PARD3B: variants seen among roughly 807,000 people sequenced by gnomAD.
The protein encoded by PARD3B is partitioning defective 3 homolog B.
Under a neutral mutation model 130.2 loss-of-function variants are expected in PARD3B, and 103 were observed. That is an observed-to-expected ratio of 0.79 (90% CI 0.67 to 0.93). The LOEUF (loss-of-function observed/expected upper bound fraction) is 0.93, where lower values mean the gene tolerates loss of function less well. Ranked by LOEUF, PARD3B falls within the 40% of genes least tolerant of loss-of-function variation. The pLI, the probability that PARD3B is intolerant of heterozygous loss-of-function variation, is 0.00. For missense variants in PARD3B, 1,609 were observed against 1,499.2 expected, an observed-to-expected ratio of 1.07 and a Z score of -1.21; for synonymous variants, 583 against 553.2, an observed-to-expected ratio of 1.05 and a Z score of -0.76.
chr2:205,250,796 GCC>G (rs1280703937), intron 16 of PARD3B, among the ~76,000 whole-genome samples: 1 of 152,064 alleles, frequency 6.6e-6, no homozygotes, highest in African/African-American at 2.4e-5. Context: ...GGGCATGGTG[GCC>G]CATGCCTGTA....
chr2:204,995,827 C>A (rs1485004605), intron 3 of PARD3B, among the ~76,000 whole-genome samples: 1 of 25,456 alleles, frequency 3.9e-5, no homozygotes, highest in African/African-American at 1.7e-4. Context: ...TCATTTCATT[C>A]ATTTCATCTT....
Position 205,380,406 on chromosome 2 carries a change from A to AT in PARD3B, c.2631-20606dup, listed in dbSNP as rs1473963443. ...AATATATAAAGAATATATATTATAT[A>AT]TAATATATAAAGAATATATATTATA... On this transcript the variant is annotated intron_variant, in intron 18 of 22. Transcript: ENST00000406610. Among the ~76,000 whole-genome samples the AT allele has an allele frequency of 3.2e-4, 14 of 43,404 alleles. 1 individual carries two copies. The highest frequency in any genetic ancestry group is 1.4e-3 in the African/African-American group (14 of 10,138). 28.5% of individuals were successfully genotyped at this position (43,404 alleles called of 152,430 possible). A position where few individuals can be genotyped will look rare whatever the true frequency, so the allele number is the denominator to read the frequency against.
intron 2 of PARD3B, among the ~76,000 whole-genome samples, chr2:204,692,489 T>A (rs993393113): frequency 8.0e-6 from 1 of 124,458 alleles, no homozygotes; most frequent in African/African-American, 2.9e-5. Flanking sequence ...AATGCTAAAT[T>A]AAGTTAAACA....
intron 21 of PARD3B, among the ~76,000 whole-genome samples, chr2:205,501,870 C>T (rs4312469): frequency 0.033 from 4,954 of 152,116 alleles, 173 homozygotes; most frequent in South Asian, 0.13. Context: ...GCCAAGTAAA[C>T]GTGTAACCAG....
Position 205,525,156 on chromosome 2 carries a change from C to G in PARD3B, c.3180+25125C>G, listed in dbSNP as rs551238026. ...AAGCAATGCCTAGCTCATGGTATGA[C>G]TGGAAAATACTAGGGCTTTTTTCCC... On this transcript the variant is annotated intron_variant, in intron 21 of 22. Transcript: ENST00000406610. The surrounding 1 kb of genome is among the most constrained non-coding windows in gnomAD (Gnocchi z 4.2). 1.8e-4 allele frequency among the ~76,000 whole-genome samples: 27 copies of G among 152,282 alleles called. 1 individual carries two copies. In the South Asian group the frequency reaches 5.6e-3, roughly 32 times the overall value.
At chr2:205,465,856 T>C (rs1485074944) in intron 20 of PARD3B, among the ~76,000 whole-genome samples, 1 of 152,210 alleles carries the variant, frequency 6.6e-6, no homozygotes, top group Non-Finnish European at 1.5e-5. Context: ...GCTGCATTAA[T>C]TGACCAGTGA....
chr2:204,643,842 A>T (rs186684926), intron 1 of PARD3B, among the ~76,000 whole-genome samples: 1 of 152,200 alleles, frequency 6.6e-6, no homozygotes. Context: ...AGTGCTTTGC[A>T]TAAAATTCAG....
chr2:205,380,964 TCTAAAGA>T (rs2045388602), intron 18 of PARD3B, among the ~76,000 whole-genome samples: 1 of 52,346 alleles, frequency 1.9e-5, no homozygotes. Flanking sequence ...GTATATAATA[TCTAAAGA>T]ATATATTATA....
chr2:204,920,600 G>A (rs1197086653), intron 2 of PARD3B, among the ~76,000 whole-genome samples: 2 of 152,088 alleles, frequency 1.3e-5, no homozygotes, highest in African/African-American at 4.8e-5. Flanking sequence ...TAAATGTAAG[G>A]CCAAGCATTC....
intron 4 of PARD3B, among the ~76,000 whole-genome samples, chr2:205,083,141 G>A (rs576617344): frequency 6.6e-6 from 1 of 151,918 alleles, no homozygotes; most frequent in South Asian, 2.1e-4. Flanking sequence ...GGTTGGTCTC[G>A]AACTCCTGAC....
chr2:204,940,565 A>T (rs1297723481), intron 2 of PARD3B, among the ~76,000 whole-genome samples: 1 of 152,150 alleles, frequency 6.6e-6, no homozygotes, highest in African/African-American at 2.4e-5. Flanking sequence ...ATTACAAAAA[A>T]AATTGTAGAA....
intron 2 of PARD3B, among the ~76,000 whole-genome samples, chr2:204,960,559 T>TA (rs147197224): frequency 6.6e-6 from 1 of 152,084 alleles, no homozygotes; most frequent in Admixed American, 6.6e-5. Context: ...TTTAATTTTT[T>TA]AAAAAAATAT....
At chr2:205,237,934 T>A (rs1363375662) in intron 15 of PARD3B, among the ~76,000 whole-genome samples, 1 of 152,210 alleles carries the variant, frequency 6.6e-6, no homozygotes, top group Non-Finnish European at 1.5e-5. Context: ...TAGGAACTTG[T>A]CTGAAAATTC....
intron 2 of PARD3B, among the ~76,000 whole-genome samples, chr2:204,716,358 CAAT>C (rs939629295): frequency 1.3e-5 from 2 of 152,012 alleles, no homozygotes; most frequent in African/African-American, 4.8e-5. Flanking sequence ...TGCATTGTAA[CAAT>C]AACCCTAGCG....
intron 2 of PARD3B, among the ~76,000 whole-genome samples, chr2:204,786,869 A>G (rs1200420531): frequency 6.6e-6 from 1 of 151,928 alleles, no homozygotes; most frequent in African/African-American, 2.4e-5. Flanking sequence ...CTCATTCTCA[A>G]TGTAATAAAG....
chr2:205,436,737 G>A (rs911053039), intron 19 of PARD3B, among the ~76,000 whole-genome samples: 18 of 151,990 alleles, frequency 1.2e-4, no homozygotes, highest in East Asian at 3.9e-4. Flanking sequence ...TCTTTTCTAC[G>A]GTTTTCTGTT....
chr2:204,685,973 G>A (rs1476968176), intron 1 of PARD3B, among the ~76,000 whole-genome samples: 2 of 152,118 alleles, frequency 1.3e-5, no homozygotes, highest in African/African-American at 2.4e-5. Flanking sequence ...GATGAAATAT[G>A]TATACCTTGA....
chr2:205,381,042 A>ATATATAT lies in PARD3B; in HGVS notation c.2631-19963_2631-19957dup, dbSNP rs1491503584. On this transcript the variant is annotated intron_variant, in intron 18 of 22. Coordinates refer to ENST00000406610, the MANE Select transcript of PARD3B (RefSeq NM_001302769.2). Reference sequence around the variant, plus strand: ...ATATATGATATATTATATATAAAGAATATATATTATATATAAAGAATATAT... The same window carrying ATATATAT: ...ATATATGATATATTATATATAAAGAATATATATTATATATTATATATAAAGAATATAT... 1.1e-4 allele frequency among the ~76,000 whole-genome samples: 6 copies of ATATATAT among 53,212 alleles called. 1 individual carries two copies. Among genetic ancestry groups the ATATATAT allele is most frequent in the African/African-American group, 7.4e-4 (6 of 8,122 alleles). 34.9% of individuals were successfully genotyped at this position (53,212 alleles called of 152,430 possible). A position where few individuals can be genotyped will look rare whatever the true frequency, so the allele number is the denominator to read the frequency against.
intron 1 of PARD3B, among the ~76,000 whole-genome samples, chr2:204,568,209 A>G (rs1028458166): frequency 1.3e-5 from 2 of 152,214 alleles, no homozygotes; most frequent in Non-Finnish European, 2.9e-5. Context: ...TATTAGAAAC[A>G]TGGTCTCAGC....
Sources: gnomAD v4.1 joint callset for allele counts (sites outside exome capture counted in the v4.1 genomes callset) on GRCh38, gnomAD v4.1.1 for gene constraint, Gnocchi (gnomAD v3.1) non-coding constraint, MANE v1.5 for transcripts, NCBI Gene and HGNC (gene_info 2026-07-23, HGNC 2026-07-21) for gene names.